HS6ST2: variants seen among roughly 807,000 people sequenced by gnomAD.
HS6ST2 encodes heparan-sulfate 6-O-sulfotransferase 2.
A neutral mutation model predicts 33.0 loss-of-function variants in HS6ST2; 17 were observed. That is an observed-to-expected ratio of 0.52 (90% CI 0.35 to 0.77). The LOEUF is 0.77. Among genes scored for constraint, HS6ST2 ranks in the 30% least tolerant of loss-of-function variants. The pLI, the probability that HS6ST2 is intolerant of heterozygous loss-of-function variation, is 0.01. For missense variants in HS6ST2, 519 were observed against 551.7 expected, an observed-to-expected ratio of 0.94 and a Z score of 0.59; for synonymous variants, 248 against 237.1, an observed-to-expected ratio of 1.05 and a Z score of -0.42.
At chrX:132,696,360 A>G (rs1044446338) in intron 3 of HS6ST2, among the ~76,000 whole-genome samples, 1 of 111,660 alleles carries the variant, frequency 9.0e-6, no homozygotes, top group African/African-American at 3.3e-5. Flanking sequence ...GGTAAGTTCT[A>G]TAGAGTCATA....
intron 4 of HS6ST2, among the ~76,000 whole-genome samples, chrX:132,650,772 T>TCTCTCTCTCTCTC (rs10693295): frequency 2.0e-5 from 2 of 99,563 alleles, no homozygotes; most frequent in Admixed American, 1.1e-4. Context: ...TCTCTCTCTC[T>TCTCTCTCTCTCTC]TCTTTTTTGT....
chrX:132,813,653 A>G (rs1423669410), intron 2 of HS6ST2, among the ~76,000 whole-genome samples: 2 of 109,966 alleles, frequency 1.8e-5, no homozygotes, highest in African/African-American at 6.6e-5. Context: ...ACTCTCTTTG[A>G]CTCTTGCTCT....
intron 2 of HS6ST2, among the ~76,000 whole-genome samples, chrX:132,874,265 G>T (rs1470189480): frequency 8.9e-6 from 1 of 112,701 alleles, no homozygotes; most frequent in Non-Finnish European, 1.9e-5. Context: ...AACCAACTAT[G>T]CAACTTTGTT....
chrX:132,931,985 G>A (rs1404015909), intron 2 of HS6ST2, among the ~76,000 whole-genome samples: 1 of 109,104 alleles, frequency 9.2e-6, no homozygotes, highest in Admixed American at 9.7e-5. Flanking sequence ...AGGAGATCGA[G>A]ACCATCCTGG....
chrX:132,763,324 T>A (rs1194218595), intron 2 of HS6ST2, among the ~76,000 whole-genome samples: 1 of 112,807 alleles, frequency 8.9e-6, no homozygotes, highest in Non-Finnish European at 1.9e-5. Context: ...CTAACGCATG[T>A]GAAAGTACTT....
At chrX:132,646,275 C>A (rs890762210) in intron 4 of HS6ST2, among the ~76,000 whole-genome samples, 4 of 111,070 alleles carry the variant, frequency 3.6e-5, no homozygotes, top group Non-Finnish European at 1.9e-5. Flanking sequence ...TAAGAATCTG[C>A]CTCCTGTGCG....
intron 2 of HS6ST2, among the ~76,000 whole-genome samples, chrX:132,711,118 G>A (rs1422822674): frequency 8.9e-6 from 1 of 111,845 alleles, no homozygotes; most frequent in African/African-American, 3.2e-5. Context: ...TGGTACTTAG[G>A]CAACTGACTA....
At chrX:132,833,965 T>C (rs1215336324) in intron 2 of HS6ST2, among the ~76,000 whole-genome samples, 1 of 110,389 alleles carries the variant, frequency 9.1e-6, no homozygotes, top group Non-Finnish European at 1.9e-5. Flanking sequence ...TTACATGCTG[T>C]TTATATGCAC....
chrX:132,675,493 C>T (rs967954030), intron 3 of HS6ST2, among the ~76,000 whole-genome samples: 1 of 111,586 alleles, frequency 9.0e-6, no homozygotes, highest in African/African-American at 3.3e-5. Flanking sequence ...AAGTGAAGGC[C>T]TCGTTCCTGG....
intron 2 of HS6ST2, among the ~76,000 whole-genome samples, chrX:132,861,140 T>C (rs973867438): frequency 2.7e-5 from 3 of 111,397 alleles, no homozygotes; most frequent in African/African-American, 9.8e-5. Context: ...GATACAAATG[T>C]GTATCCTGCT....
chrX:132,849,034 G>C, intron 2 of HS6ST2, among the ~76,000 whole-genome samples: 1 of 111,680 alleles, frequency 9.0e-6, no homozygotes, highest in Non-Finnish European at 1.9e-5. Flanking sequence ...GGTTTGGAGA[G>C]GTCTTCTATT....
chrX:132,795,630 G>A (rs942664844), intron 2 of HS6ST2, among the ~76,000 whole-genome samples: 17 of 111,358 alleles, frequency 1.5e-4, no homozygotes, highest in African/African-American at 5.6e-4. Context: ...TTATGAAACA[G>A]AGTTTCACTG....
chrX:132,826,351 T>C (rs1048387932), intron 2 of HS6ST2, among the ~76,000 whole-genome samples: 1 of 111,474 alleles, frequency 9.0e-6, no homozygotes, highest in Non-Finnish European at 1.9e-5. Flanking sequence ...TAGCCACATA[T>C]AGCTCTTGAG....
chrX:132,906,697 T>C (rs1164174061), intron 2 of HS6ST2, among the ~76,000 whole-genome samples: 4 of 111,034 alleles, frequency 3.6e-5, no homozygotes, highest in Non-Finnish European at 7.5e-5. Flanking sequence ...TTCTTTTTGT[T>C]TTTTGAGATG....
At chrX:132,733,496 T>C (rs2064478033) in intron 2 of HS6ST2, among the ~76,000 whole-genome samples, 1 of 110,638 alleles carries the variant, frequency 9.0e-6, no homozygotes, top group African/African-American at 3.3e-5. Flanking sequence ...ATTTTGGAAG[T>C]ACCTCACAAG....
chrX:132,899,225 T>C (rs1654048478), intron 2 of HS6ST2, among the ~76,000 whole-genome samples: 2 of 111,722 alleles, frequency 1.8e-5, no homozygotes, highest in South Asian at 7.5e-4. Flanking sequence ...ATAAAATCCA[T>C]AATGTCCAAC....
intron 3 of HS6ST2, among the ~76,000 whole-genome samples, chrX:132,687,294 A>T (rs1236443884): frequency 9.0e-6 from 1 of 111,064 alleles, no homozygotes; most frequent in Admixed American, 9.6e-5. Flanking sequence ...CCCTCAATGC[A>T]CTACTTTCTC....
In HS6ST2 at chrX:132,786,691, A is replaced by G. The variant is rs752385711; in HGVS notation, c.948-78197T>C. Among the ~76,000 whole-genome samples, 11 of 107,555 alleles carry G rather than the reference A, an allele frequency of 1.0e-4. No individual in the cohort carries two copies. The South Asian group carries it at 4.3e-3, about 42-fold the overall frequency. The allele number at this position is 107,555 out of a possible 115,157, so 93.4% of individuals were successfully genotyped here. ...GGATGGAGTGCCAAGGCCCTGTCTC[A>G]GCTCACTGCAACCTCCGGCTCCCGG... is the stretch of plus-strand genomic sequence containing the variant. On this transcript the variant is annotated intron_variant, in intron 2 of 4. Coordinates refer to ENST00000370833, the MANE Select transcript of HS6ST2 (RefSeq NM_001394073.1).
At chrX:132,811,927 T>C (rs1426134471) in intron 2 of HS6ST2, among the ~76,000 whole-genome samples, 1 of 107,439 alleles carries the variant, frequency 9.3e-6, no homozygotes, top group East Asian at 2.9e-4. Flanking sequence ...TTGCTTTCAG[T>C]TCTTTTGGTT....
Sources: allele counts gnomAD v4.1 joint callset (sites outside exome capture counted in the v4.1 genomes callset), GRCh38; gene constraint gnomAD v4.1.1; transcripts MANE v1.5; gene names NCBI Gene and HGNC (gene_info 2026-07-23, HGNC 2026-07-21).